Variants in PIK3C2G observed in about 807,000 individuals in gnomAD.
PIK3C2G encodes the protein phosphatidylinositol 3-kinase C2 domain-containing subunit gamma.
Under a neutral mutation model 181.1 loss-of-function variants are expected in PIK3C2G, and 168 were observed. The ratio of observed to expected loss-of-function variants is 0.93; its 90% CI spans 0.82 to 1.05. PIK3C2G has a LOEUF of 1.05. Among genes scored for constraint, PIK3C2G ranks in the 50% least tolerant of loss-of-function variants. The pLI, the probability that PIK3C2G is intolerant of heterozygous loss-of-function variation, is 0.00. For missense variants in PIK3C2G, 1,869 were observed against 1,732.8 expected (o/e 1.08, Z -1.40); for synonymous variants, 573 against 592.2 (o/e 0.97, Z 0.47).
At chr12:18,371,424 T>C (rs1174080323) in intron 13 of PIK3C2G, 113 bp downstream of exon 13, 14 of 864,538 alleles carry the variant, frequency 1.6e-5, no homozygotes, top group South Asian at 2.3e-5. Context: ...TATTCTAAAA[T>C]TGACATAGTT....
chr12:18,566,266 A>C (rs1945627863), intron 28 of PIK3C2G, among the ~76,000 whole-genome samples: 1 of 152,308 alleles, frequency 6.6e-6, no homozygotes, highest in South Asian at 2.1e-4. Flanking sequence ...CCAAAGAAGC[A>C]GAAGTGTGGA....
the PIK3C2G span, among the ~76,000 whole-genome samples, chr12:18,687,134 T>G: frequency 2.0e-5 from 3 of 152,060 alleles, no homozygotes; most frequent in African/African-American, 7.2e-5. Flanking sequence ...CAATATCCCT[T>G]CCCATTGATA....
chr12:18,671,593 G>A, the PIK3C2G span, among the ~76,000 whole-genome samples: 1 of 152,076 alleles, frequency 6.6e-6, no homozygotes, highest in Non-Finnish European at 1.5e-5. Context: ...AGGTGTACTA[G>A]GCACATCACA....
chr12:18,257,805 AAGAAAGAAGG>A (rs1242211046), upstream of PIK3C2G, among the ~76,000 whole-genome samples: 26 of 149,684 alleles, frequency 1.7e-4, no homozygotes, highest in Non-Finnish European at 3.6e-4. Flanking sequence ...AAAGAAAAGA[AAGAAAGAAGG>A]AGAAAGAGAA....
At chr12:18,284,450 T>C (rs1432546042) in intron 2 of PIK3C2G, among the ~76,000 whole-genome samples, 2 of 151,998 alleles carry the variant, frequency 1.3e-5, no homozygotes, top group Non-Finnish European at 2.9e-5. Context: ...ATCTACAAAA[T>C]TCAACATAAA....
rs1282294475 is a variant in PIK3C2G at position 18,460,889 on chromosome 12, G to T, written c.2505-27560G>T. On this transcript the variant is annotated intron_variant, in intron 18 of 32. Coordinates refer to ENST00000538779, the MANE Select transcript of PIK3C2G (RefSeq NM_001288772.2). Reference sequence around the variant, plus strand: ...TTTACATCACCTTACACTTTCTGGGGTCTGCTTTCCTCAGCTGTAAAATGA... The same window carrying T: ...TTTACATCACCTTACACTTTCTGGGTTCTGCTTTCCTCAGCTGTAAAATGA... Among the ~76,000 whole-genome samples the T allele has an allele frequency of 5.3e-5, 8 of 151,970 alleles. No individual in the cohort carries two copies. In the East Asian group the frequency reaches 1.6e-3, roughly 29 times the overall value.
the PIK3C2G span, among the ~76,000 whole-genome samples, chr12:18,676,968 T>C: frequency 1.3e-5 from 2 of 152,282 alleles, no homozygotes; most frequent in African/African-American, 4.8e-5. Flanking sequence ...CCAGAACATC[T>C]GGTTCAAACA....
At chr12:18,604,610 C>G (rs1947913746) in intron 30 of PIK3C2G, among the ~76,000 whole-genome samples, 1 of 152,052 alleles carries the variant, frequency 6.6e-6, no homozygotes, top group Non-Finnish European at 1.5e-5. Context: ...TCAACAGTGC[C>G]TGGAACTTTC....
At chr12:18,364,195 T>C (rs1239391037) in intron 12 of PIK3C2G, among the ~76,000 whole-genome samples, 1 of 152,216 alleles carries the variant, frequency 6.6e-6, no homozygotes, top group Non-Finnish European at 1.5e-5. Context: ...AACTATCCCT[T>C]GACTGTCCAC....
intron 18 of PIK3C2G, among the ~76,000 whole-genome samples, chr12:18,481,163 T>C (rs1939524790): frequency 6.6e-6 from 1 of 152,120 alleles, no homozygotes; most frequent in East Asian, 1.9e-4. Context: ...CTCGATGTCT[T>C]GACCTCGTGA....
At chr12:18,279,104 G>A (rs1949105098) in intron 1 of PIK3C2G, among the ~76,000 whole-genome samples, 1 of 151,986 alleles carries the variant, frequency 6.6e-6, no homozygotes, top group Admixed American at 6.6e-5. Context: ...ACTCTGTTCA[G>A]GGCCAAAATC....
At chr12:18,628,987 G>A (rs187061063) in intron 31 of PIK3C2G, among the ~76,000 whole-genome samples, 352 of 152,210 alleles carry the variant, frequency 2.3e-3, no homozygotes, top group Non-Finnish European at 4.0e-3. Context: ...TATAAATGTA[G>A]CAGTGCTTTT....
At chr12:18,534,814 T>C (rs1446342119) in intron 24 of PIK3C2G, among the ~76,000 whole-genome samples, 1 of 119,604 alleles carries the variant, frequency 8.4e-6, no homozygotes, top group African/African-American at 3.5e-5. Flanking sequence ...AAGAGAGAGA[T>C]GAAAAAAAAA....
chr12:18,685,790 C>T, the PIK3C2G span: 2 of 349,744 alleles, frequency 5.7e-6, no homozygotes, highest in Admixed American at 5.9e-5. Flanking sequence ...TACACATGTG[C>T]CTCTGCCTCC....
At chr12:18,243,705 C>T (rs897262859), upstream of PIK3C2G, among the ~76,000 whole-genome samples, 8 of 151,838 alleles carry the variant, frequency 5.3e-5, no homozygotes, top group South Asian at 2.1e-4. Context: ...ATTTTTAATG[C>T]GTACTCCCAT....
chr12:18,409,830 G>A (rs1255857272), intron 16 of PIK3C2G, among the ~76,000 whole-genome samples: 3 of 152,254 alleles, frequency 2.0e-5, no homozygotes, highest in South Asian at 2.1e-4. Flanking sequence ...AGGCTATACA[G>A]GAAGCATGGT....
In PIK3C2G at chr12:18,281,993, G is replaced by A. The variant is rs1428264020; in HGVS notation, c.-78-11G>A. 5 of 723,528 alleles carry A rather than the reference G, an allele frequency of 6.9e-6. No individual in the cohort carries two copies. The East Asian group carries it at 1.4e-4, about 20-fold the overall frequency. The allele number at this position is 723,528 out of a possible 1,614,324, so 44.8% of individuals were successfully genotyped here. On this transcript the variant is annotated splice_polypyrimidine_tract_variant and intron_variant, in intron 1 of 32. Coordinates refer to ENST00000538779, the MANE Select transcript of PIK3C2G (RefSeq NM_001288772.2). ...TTCAATATATTTTCTTTCATTTTAT[G>A]CTTTTTCTAGGAAAATTTCTATCTT...
intron 2 of PIK3C2G, among the ~76,000 whole-genome samples, chr12:18,283,020 T>C (rs1195828206): frequency 6.6e-6 from 1 of 152,130 alleles, no homozygotes; most frequent in African/African-American, 2.4e-5. Context: ...TTGGTTTTAG[T>C]TATGGTACCT....
At chr12:18,695,242 C>T in the PIK3C2G span, among the ~76,000 whole-genome samples, 1 of 152,094 alleles carries the variant, frequency 6.6e-6, no homozygotes, top group Non-Finnish European at 1.5e-5. Context: ...CTTTCTCCTG[C>T]CATGTCTATA....
Sources: allele counts gnomAD v4.1 joint callset (sites outside exome capture counted in the v4.1 genomes callset), GRCh38; gene constraint gnomAD v4.1.1; transcripts MANE v1.5; gene names NCBI Gene and HGNC (gene_info 2026-07-23, HGNC 2026-07-21).